The following TENM2 variants were observed in gnomAD, a reference collection of about 807,000 sequenced individuals.
TENM2 encodes teneurin transmembrane protein 2, also known as teneurin-2.
Under a neutral mutation model 245.2 loss-of-function variants are expected in TENM2, and 52 were observed. The observed-to-expected ratio is 0.21, with a 90% CI of 0.17 to 0.27. TENM2 has a LOEUF of 0.27. Ranked by LOEUF, TENM2 falls within the 10% of genes least tolerant of loss-of-function variation. The pLI is 1.00. For synonymous variants in TENM2, 1,363 were observed against 1,438.9 expected (o/e 0.95, Z 1.19); for missense variants, 3,046 against 3,666.8 (o/e 0.83, Z 4.37).
the TENM2 span, among the ~76,000 whole-genome samples, chr5:167,069,701 G>A: frequency 6.6e-6 from 1 of 152,224 alleles, no homozygotes. Flanking sequence ...AGTGTAAGCA[G>A]TGGTTATCAT....
chr5:167,510,935 A>G (rs2127569451), intron 2 of TENM2, among the ~76,000 whole-genome samples: 1 of 132,956 alleles, frequency 7.5e-6, no homozygotes, highest in Middle Eastern at 3.9e-3. Flanking sequence ...ACACTGTGAG[A>G]TAATAAAAAA....
rs548174499 is a variant in TENM2, at chr5:168,188,582, A to G, written c.2570-1755A>G. On this transcript the variant is annotated intron_variant, in intron 13 of 28. Coordinates refer to ENST00000518659, the Ensembl canonical transcript of TENM2. ...AGTGCCCGATTCTGTGCTTGGTACT[A>G]AGAGAGGAATGAATATAAAATTAAT... Among the ~76,000 whole-genome samples, 37 of 152,328 alleles carry G rather than the reference A, an allele frequency of 2.4e-4. 2 individuals carry two copies. The South Asian group carries it at 7.7e-3, about 32-fold the overall frequency.
chr5:167,961,955 A>G (rs1171881109), intron 4 of TENM2, among the ~76,000 whole-genome samples: 2 of 152,204 alleles, frequency 1.3e-5, no homozygotes, highest in African/African-American at 4.8e-5. Context: ...CTTAGTGATA[A>G]GAACACACGA....
At chr5:167,374,620 T>C (rs1377800041) in intron 1 of TENM2, among the ~76,000 whole-genome samples, 1 of 151,976 alleles carries the variant, frequency 6.6e-6, no homozygotes, top group East Asian at 1.9e-4. Flanking sequence ...GGCACCCAGG[T>C]CTTCTAGCTG....
intron 24 of TENM2, among the ~76,000 whole-genome samples, chr5:168,226,821 G>A (rs1333042410): frequency 1.3e-5 from 2 of 152,144 alleles, no homozygotes; most frequent in Admixed American, 6.5e-5. Flanking sequence ...GCAGTCCAGG[G>A]CAAGCACTGG....
intron 2 of TENM2, among the ~76,000 whole-genome samples, chr5:167,796,674 A>T (rs1186730186): frequency 6.6e-6 from 1 of 151,952 alleles, no homozygotes; most frequent in Non-Finnish European, 1.5e-5. Context: ...TCTCTCCTGT[A>T]GAGTTGGGAG....
intron 3 of TENM2, among the ~76,000 whole-genome samples, chr5:167,902,752 G>A (rs770217417): frequency 3.0e-4 from 46 of 152,152 alleles, no homozygotes; most frequent in Admixed American, 3.9e-4. Context: ...CAATACTTCA[G>A]CTCTGCCTGG....
chr5:167,190,883 C>T, the TENM2 span, among the ~76,000 whole-genome samples: 3 of 152,020 alleles, frequency 2.0e-5, no homozygotes, highest in Non-Finnish European at 4.4e-5. Context: ...TTTGTATGAA[C>T]TTATTAATCA....
chr5:167,719,908 T>C (rs565194838), intron 2 of TENM2, among the ~76,000 whole-genome samples: 4 of 151,928 alleles, frequency 2.6e-5, no homozygotes, highest in South Asian at 2.1e-4. Context: ...AGCACACAGG[T>C]TGAGAACCCT....
intron 24 of TENM2, 87 bp from the exon 27 acceptor site, chr5:168,227,808 T>C (rs921494124): frequency 1.2e-6 from 1 of 834,236 alleles, no homozygotes; most frequent in East Asian, 2.8e-5. Context: ...GGAAACCTAT[T>C]AAAAAAAAAT....
In TENM2 at chr5:168,031,420, A is replaced by G. The variant is rs149155296; in HGVS notation, c.1187-16007A>G. ...GAATTTCAGAGATTTTTCTCCAGAC[A>G]GACCATATTCCTTCTGGACAGTTCA... On this transcript the variant is annotated intron_variant, in intron 5 of 28. Coordinates refer to ENST00000518659, the Ensembl canonical transcript of TENM2. 2.3e-4 allele frequency among the ~76,000 whole-genome samples: 35 copies of G among 152,352 alleles called. 1 individual carries two copies. In the East Asian group the frequency reaches 6.2e-3, roughly 27 times the overall value.
chr5:167,274,964 C>A, the TENM2 span, among the ~76,000 whole-genome samples: 1 of 151,654 alleles, frequency 6.6e-6, no homozygotes, highest in Admixed American at 6.6e-5. Flanking sequence ...TCCTTTAATC[C>A]TTTTAACAGG....
the TENM2 span, among the ~76,000 whole-genome samples, chr5:166,988,972 T>C: frequency 1.3e-5 from 2 of 152,206 alleles, no homozygotes; most frequent in Non-Finnish European, 2.9e-5. Context: ...CTGCCCCTTA[T>C]GTATTATATA....
intron 2 of TENM2, chr5:167,755,160 T>C: frequency 6.3e-7 from 1 of 1,599,102 alleles, no homozygotes; most frequent in Non-Finnish European, 8.5e-7. Flanking sequence ...TCTGTGAGTT[T>C]TCTCCATGGG....
At chr5:167,611,105 A>G (rs1176223584) in intron 2 of TENM2, among the ~76,000 whole-genome samples, 5 of 152,164 alleles carry the variant, frequency 3.3e-5, no homozygotes. Flanking sequence ...ATTCACCTTC[A>G]TAATAACCTT....
At chr5:167,360,751 C>T (rs1486739190) in intron 1 of TENM2, among the ~76,000 whole-genome samples, 1 of 152,148 alleles carries the variant, frequency 6.6e-6, no homozygotes, top group Non-Finnish European at 1.5e-5. Context: ...ACTTTTATCT[C>T]TATAGGCTTA....
chr5:167,127,008 ATT>A, the TENM2 span, among the ~76,000 whole-genome samples: 2 of 140,596 alleles, frequency 1.4e-5, no homozygotes. Context: ...TCACAGGTGC[ATT>A]TTTTTTTTTT....
intron 3 of TENM2, among the ~76,000 whole-genome samples, chr5:167,882,223 C>A (rs1396299399): frequency 6.6e-6 from 1 of 152,150 alleles, no homozygotes; most frequent in East Asian, 1.9e-4. Flanking sequence ...TCACAAAATA[C>A]CCTTTACGCC....
intron 2 of TENM2, among the ~76,000 whole-genome samples, chr5:167,638,867 A>C (rs931139355): frequency 1.3e-5 from 2 of 152,216 alleles, no homozygotes; most frequent in Admixed American, 6.5e-5. Context: ...TAGTTACTCT[A>C]AGTAATCGCT....
Sources: gnomAD v4.1 joint callset for allele counts (sites outside exome capture counted in the v4.1 genomes callset) on GRCh38, gnomAD v4.1.1 for gene constraint, MANE v1.5 for transcripts, NCBI Gene and HGNC (gene_info 2026-07-23, HGNC 2026-07-21) for gene names.